GLI3: variants seen among roughly 807,000 people sequenced by gnomAD.
GLI3 encodes the protein transcription activator GLI3.
GLI3 carries 20 observed loss-of-function variants against 100.8 expected under a neutral mutation model. The ratio of observed to expected loss-of-function variants is 0.20; its 90% CI spans 0.14 to 0.29. The LOEUF (loss-of-function observed/expected upper bound fraction) is 0.29, where lower values mean the gene tolerates loss of function less well. Ranked by LOEUF, GLI3 falls within the 10% of genes least tolerant of loss-of-function variation. The pLI, the probability that GLI3 is intolerant of heterozygous loss-of-function variation, is 1.00. For synonymous variants in GLI3, 938 were observed against 860.5 expected (o/e 1.09, Z -1.58); for missense variants, 2,040 against 2,128.5 (o/e 0.96, Z 0.82).
At position 41,966,283 on chromosome 7, in the gene GLI3, C is replaced by T. The variant is rs1787179902; in HGVS notation, c.2790G>A (p.Lys930=). 1.2e-6 allele frequency: 2 copies of T among 1,608,188 alleles called. No individual in the cohort carries two copies. Among genetic ancestry groups the T allele is most frequent in the East Asian group, 4.5e-5 (2 of 44,836 alleles). Residue 930 remains lysine (K), a synonymous_variant, in exon 15 of 15, where the codon AAG becomes AAA. Coordinates refer to ENST00000395925, the MANE Select transcript of GLI3 (RefSeq NM_000168.6). The surrounding 1 kb of genome is among the most constrained non-coding windows in gnomAD (Gnocchi z 5.8). ...SLTPAQQYRL[K]AKYAAATGGP... ...CTCCTGTGGCAGCCGCGTACTTGGC[C>T]TTGAGGCGGTACTGCTGGGCGGGCG...
chr7:42,253,156 A>T (rs1295900149), intron 1 of GLI3, among the ~76,000 whole-genome samples: 1 of 152,158 alleles, frequency 6.6e-6, no homozygotes, highest in East Asian at 1.9e-4. Flanking sequence ...CCACAACCAG[A>T]CAGATGTATT....
chr7:42,064,759 C>A (rs1784641009), intron 4 of GLI3, among the ~76,000 whole-genome samples: 1 of 152,172 alleles, frequency 6.6e-6, no homozygotes, highest in East Asian at 1.9e-4. Context: ...AGAGCCCACT[C>A]CAAGCAGGAA....
At chr7:42,155,922 T>C (rs1268179161) in intron 2 of GLI3, among the ~76,000 whole-genome samples, 1 of 152,146 alleles carries the variant, frequency 6.6e-6, no homozygotes, top group Non-Finnish European at 1.5e-5. Context: ...AGGGTTTCCA[T>C]ACATTTTCCT....
chr7:42,052,501 C>T (rs1244996820), intron 4 of GLI3, among the ~76,000 whole-genome samples: 1 of 152,178 alleles, frequency 6.6e-6, no homozygotes, highest in African/African-American at 2.4e-5. Flanking sequence ...CACTTATTCC[C>T]TCACTCAAGC....
intron 2 of GLI3, chr7:42,172,709 C>G (rs972298875): frequency 1.2e-5 from 8 of 691,468 alleles, no homozygotes; most frequent in Non-Finnish European, 2.1e-5. Flanking sequence ...GATGAGTTTT[C>G]AGCAGTGGAG....
At chr7:42,118,409 G>T in intron 3 of GLI3, 1 of 398,100 alleles carries the variant, frequency 2.5e-6, no homozygotes, top group South Asian at 1.3e-4. Flanking sequence ...GCTAGAAAGT[G>T]GCAGTGCCAT....
chr7:42,024,704 T>C (rs1789054440), intron 9 of GLI3, among the ~76,000 whole-genome samples: 1 of 152,182 alleles, frequency 6.6e-6, no homozygotes, highest in Non-Finnish European at 1.5e-5. Context: ...GGAGTCCGGA[T>C]TGAAATCCTA....
chr7:42,185,886 G>C (rs1253496729), intron 2 of GLI3, among the ~76,000 whole-genome samples: 2 of 152,142 alleles, frequency 1.3e-5, no homozygotes, highest in Non-Finnish European at 2.9e-5. Flanking sequence ...TGGAGTCATG[G>C]GGCATGTGCT....
At chr7:42,165,913 A>T (rs1787232210) in intron 2 of GLI3, among the ~76,000 whole-genome samples, 2 of 152,230 alleles carry the variant, frequency 1.3e-5, no homozygotes, top group Admixed American at 1.3e-4. Context: ...GCATATATTA[A>T]ATCTTAATGT....
At chr7:42,140,616 A>G (rs556098058) in intron 3 of GLI3, among the ~76,000 whole-genome samples, 2 of 152,358 alleles carry the variant, frequency 1.3e-5, no homozygotes, top group South Asian at 2.1e-4. Context: ...CAGGGAGAAG[A>G]GAGCAATAAA....
intron 1 of GLI3, among the ~76,000 whole-genome samples, chr7:42,252,596 G>A (rs1013733420): frequency 6.6e-6 from 1 of 152,162 alleles, no homozygotes; most frequent in Non-Finnish European, 1.5e-5. Context: ...AAGCTGGATA[G>A]AATTTGAGTC....
intron 4 of GLI3, among the ~76,000 whole-genome samples, chr7:42,049,380 A>G (rs1000439719): frequency 1.3e-5 from 2 of 151,448 alleles, no homozygotes; most frequent in Non-Finnish European, 2.9e-5. Context: ...TTGGAAGGCA[A>G]CTCCTCCCCT....
intron 2 of GLI3, among the ~76,000 whole-genome samples, chr7:42,212,292 C>T (rs1042648658): frequency 8.5e-5 from 13 of 152,150 alleles, no homozygotes; most frequent in African/African-American, 3.1e-4. Context: ...ATTTTAAAAT[C>T]TGCATAAGAA....
At chr7:42,044,949 G>A (rs973042315) in intron 6 of GLI3, among the ~76,000 whole-genome samples, 2 of 152,066 alleles carry the variant, frequency 1.3e-5, no homozygotes, top group Non-Finnish European at 2.9e-5. Flanking sequence ...GTGCAGTGGC[G>A]TGACCAAGAC....
intron 3 of GLI3, among the ~76,000 whole-genome samples, chr7:42,114,366 C>T (rs540163465): frequency 6.6e-6 from 1 of 152,150 alleles, no homozygotes; most frequent in South Asian, 2.1e-4. Context: ...CGACTGTCTA[C>T]CCATGTCCTG....
chr7:42,221,934 C>A (rs1266761191), intron 2 of GLI3, among the ~76,000 whole-genome samples: 2 of 152,096 alleles, frequency 1.3e-5, no homozygotes, highest in African/African-American at 4.8e-5. Context: ...AATATATCTC[C>A]CTCAGGATCA....
intron 3 of GLI3, among the ~76,000 whole-genome samples, chr7:42,104,359 TGTTCACACATCCGCTCTA>T (rs1239275507): frequency 6.6e-6 from 1 of 152,184 alleles, no homozygotes; most frequent in Non-Finnish European, 1.5e-5. Context: ...CCTCCAGCCT[TGTTCACACATCCGCTCTA>T]GCATTTCCCA....
intron 4 of GLI3, among the ~76,000 whole-genome samples, chr7:42,064,950 C>A (rs1033333399): frequency 7.9e-5 from 12 of 152,058 alleles, no homozygotes; most frequent in African/African-American, 2.9e-4. Context: ...TCACAGAGGT[C>A]AGACCCCAAG....
At chr7:42,073,376 A>C (rs565152151) in intron 4 of GLI3, among the ~76,000 whole-genome samples, 30 of 152,208 alleles carry the variant, frequency 2.0e-4, no homozygotes, top group Non-Finnish European at 3.4e-4. Context: ...CTTAGTGGTT[A>C]TTATTAGTCT....
Sources: gnomAD v4.1 joint callset for allele counts (sites outside exome capture counted in the v4.1 genomes callset) on GRCh38, gnomAD v4.1.1 for gene constraint, Gnocchi (gnomAD v3.1) non-coding constraint, MANE v1.5 for transcripts, NCBI Gene and HGNC (gene_info 2026-07-23, HGNC 2026-07-21) for gene names.